Variants in DAB1 observed in about 807,000 individuals in gnomAD.
DAB1 encodes the protein DAB adaptor protein 1.
In DAB1, 15 loss-of-function variants were observed where a neutral mutation model predicts 64.6. That is an observed-to-expected ratio of 0.23 (90% CI 0.16 to 0.36). The LOEUF is 0.36. Among genes scored for constraint, DAB1 ranks in the 10% least tolerant of loss-of-function variants. The pLI, the probability that DAB1 is intolerant of heterozygous loss-of-function variation, is 1.00. For synonymous variants in DAB1, 235 were observed against 251.9 expected, an observed-to-expected ratio of 0.93 and a Z score of 0.64; for missense variants, 596 against 706.7, an observed-to-expected ratio of 0.84 and a Z score of 1.78.
At chr1:57,982,449 T>C (rs1646089692) in intron 5 of DAB1, among the ~76,000 whole-genome samples, 3 of 152,178 alleles carry the variant, frequency 2.0e-5, no homozygotes, top group African/African-American at 4.8e-5. Context: ...CCCACCTCTG[T>C]TCCTTCTTAG....
chr1:58,358,244 G>C (rs2100522118), intron 3 of DAB1, among the ~76,000 whole-genome samples: 1 of 152,310 alleles, frequency 6.6e-6, no homozygotes, highest in East Asian at 1.9e-4. Flanking sequence ...AACAGTCGGG[G>C]AGTTAGAAAT....
chr1:58,396,615 A>C (rs1178908693), intron 3 of DAB1, among the ~76,000 whole-genome samples: 2 of 152,138 alleles, frequency 1.3e-5, no homozygotes, highest in African/African-American at 2.4e-5. Flanking sequence ...ATGCAGAGAC[A>C]AAGAGAGAAG....
chr1:58,537,740 C>A (rs376933067), intron 1 of DAB1, among the ~76,000 whole-genome samples: 9 of 152,158 alleles, frequency 5.9e-5, no homozygotes, highest in African/African-American at 2.2e-4. Flanking sequence ...TGCCTTTACA[C>A]AAAGTGTGTC....
At position 58,333,550 on chromosome 1, in the gene DAB1, A is replaced by G. The variant is rs1348751487; in HGVS notation, n.309+9802T>C. ...ACTGAGTGTATGGGTGCACACGCACACTTTTAACTCCTTTTATTCTAATTT... is the reference window on the plus strand; with the variant it reads ...ACTGAGTGTATGGGTGCACACGCACGCTTTTAACTCCTTTTATTCTAATTT... On this transcript the variant is annotated intron_variant and non_coding_transcript_variant, in intron 4 of 20. Transcript: ENST00000485760. Among the ~76,000 whole-genome samples, 4 of 152,264 alleles carry G rather than the reference A, an allele frequency of 2.6e-5. No homozygotes were observed. In the East Asian group the frequency reaches 5.8e-4, roughly 22 times the overall value.
chr1:57,894,180 G>A (rs935621398), intron 5 of DAB1, among the ~76,000 whole-genome samples: 8 of 152,150 alleles, frequency 5.3e-5, no homozygotes, highest in African/African-American at 1.9e-4. Flanking sequence ...GCCCACTTGG[G>A]CCTCTTCCAA....
At chr1:57,374,192 T>G (rs1680719889) in intron 1 of DAB1, among the ~76,000 whole-genome samples, 1 of 152,208 alleles carries the variant, frequency 6.6e-6, no homozygotes. Flanking sequence ...AATTGACTAT[T>G]TTATTACCAG....
chr1:58,362,381 C>G (rs1644175756), intron 3 of DAB1, among the ~76,000 whole-genome samples: 1 of 152,160 alleles, frequency 6.6e-6, no homozygotes, highest in South Asian at 2.1e-4. Flanking sequence ...ATGTCTCCAT[C>G]CTTTGAGGGA....
In DAB1 at chr1:58,541,630, A is replaced by AC. The variant is rs1422821788; in HGVS notation, n.32+5072_32+5073insG. The AC allele has an allele frequency of 5.3e-5, 7 of 130,910 alleles. 1 individual carries two copies. Among genetic ancestry groups the AC allele is most frequent in the African/African-American group, 2.0e-4 (7 of 34,426 alleles). 8.1% of individuals were successfully genotyped at this position (130,910 alleles called of 1,614,324 possible). A position where few individuals can be genotyped will look rare whatever the true frequency, so the allele number is the denominator to read the frequency against. On this transcript the variant is annotated intron_variant and non_coding_transcript_variant, in intron 1 of 20. Transcript: ENST00000485760. ...AGAACCTGTCAAAAAAAAAAAAAAA[A>AC]AAAAAAAAAAACCAAAAACAAAAAA...
At chr1:57,447,605 A>G (rs556657144) in intron 7 of DAB1, among the ~76,000 whole-genome samples, 2 of 152,352 alleles carry the variant, frequency 1.3e-5, no homozygotes, top group African/African-American at 2.4e-5. Flanking sequence ...AAAATATTAT[A>G]TGATGGTTAC....
intron 4 of DAB1, among the ~76,000 whole-genome samples, chr1:58,238,351 G>T (rs900937759): frequency 3.3e-5 from 5 of 152,208 alleles, no homozygotes; most frequent in Non-Finnish European, 5.9e-5. Context: ...AATGACGCAA[G>T]GCACAAAGGG....
chr1:58,329,911 C>G (rs1015615448), intron 4 of DAB1, among the ~76,000 whole-genome samples: 12 of 152,072 alleles, frequency 7.9e-5, no homozygotes, highest in Non-Finnish European at 1.6e-4. Flanking sequence ...CTGAGACATG[C>G]TAATATTGAA....
chr1:57,966,116 A>C (rs72666189), intron 5 of DAB1, among the ~76,000 whole-genome samples: 11,965 of 152,310 alleles, frequency 0.079, 619 homozygotes, highest in Middle Eastern at 0.17. Context: ...TGTTATATAA[A>C]GTAATGGGTT....
chr1:57,162,509 GTTAA>G (rs540178611), intron 2 of DAB1, among the ~76,000 whole-genome samples: 121 of 152,310 alleles, frequency 7.9e-4, no homozygotes, highest in African/African-American at 2.7e-3. Flanking sequence ...CTAGACAGAG[GTTAA>G]TTAAACCACA....
intron 4 of DAB1, among the ~76,000 whole-genome samples, chr1:58,157,986 A>G (rs1655308366): frequency 6.6e-6 from 1 of 152,176 alleles, no homozygotes; most frequent in African/African-American, 2.4e-5. Context: ...GCAAATGCTG[A>G]TCTTTCCTGA....
chr1:58,258,720 T>A (rs1660987745), intron 4 of DAB1, among the ~76,000 whole-genome samples: 1 of 152,188 alleles, frequency 6.6e-6, no homozygotes, highest in Non-Finnish European at 1.5e-5. Context: ...AACACTGACA[T>A]CATTAATTGA....
intron 7 of DAB1, among the ~76,000 whole-genome samples, chr1:57,621,123 G>A (rs962152485): frequency 6.6e-6 from 1 of 151,804 alleles, no homozygotes; most frequent in Non-Finnish European, 1.5e-5. Flanking sequence ...CAGAATTCAT[G>A]ACCTTGAACT....
intron 2 of DAB1, among the ~76,000 whole-genome samples, chr1:58,525,446 A>T (rs1358261135): frequency 6.6e-6 from 1 of 152,160 alleles, no homozygotes; most frequent in African/African-American, 2.4e-5. Flanking sequence ...TTTTATATAC[A>T]AGCAATTTAC....
chr1:57,975,296 T>C (rs1645893427), intron 5 of DAB1, among the ~76,000 whole-genome samples: 2 of 152,154 alleles, frequency 1.3e-5, no homozygotes, highest in Admixed American at 1.3e-4. Flanking sequence ...TGATAATATA[T>C]TACAGTAGCC....
In DAB1 at chr1:57,358,616, G is replaced by GA. The variant is rs201712256; in HGVS notation, c.-137+65313dup. 1.1e-3 allele frequency among the ~76,000 whole-genome samples: 157 copies of GA among 148,768 alleles called. No individual in the cohort carries two copies. In the South Asian group the frequency reaches 0.012, roughly 11 times the overall value. On this transcript the variant is annotated intron_variant, in intron 1 of 14. Transcript: ENST00000371236. ...ACTGGAAACATTCTTCACAGAAATA[G>GA]AAAAAAAAAATCTTAAAATTCTTAT... is the stretch of plus-strand genomic sequence containing the variant.
Sources: allele counts gnomAD v4.1 joint callset (sites outside exome capture counted in the v4.1 genomes callset), GRCh38; gene constraint gnomAD v4.1.1; transcripts MANE v1.5; gene names NCBI Gene and HGNC (gene_info 2026-07-23, HGNC 2026-07-21).